The following PCBP3 variants were observed in gnomAD, a reference collection of about 807,000 sequenced individuals.
PCBP3 encodes poly(rC)-binding protein 3.
Under a neutral mutation model 52.7 loss-of-function variants are expected in PCBP3, and 25 were observed. That is an observed-to-expected ratio of 0.47 (90% CI 0.35 to 0.66). The LOEUF (loss-of-function observed/expected upper bound fraction) is 0.66, where lower values mean the gene tolerates loss of function less well. PCBP3 is among the 30% of genes least tolerant of loss of function. The probability of loss-of-function intolerance (pLI) is 0.01; values close to 1 mark genes in which losing one functional copy is unlikely to be tolerated. For missense variants in PCBP3, 391 were observed against 490.3 expected, an observed-to-expected ratio of 0.80 and a Z score of 1.91; for synonymous variants, 162 against 183.0, an observed-to-expected ratio of 0.89 and a Z score of 0.93.
intron 4 of PCBP3, among the ~76,000 whole-genome samples, chr21:45,839,303 G>A (rs892063589): frequency 6.6e-6 from 1 of 152,070 alleles, no homozygotes; most frequent in Non-Finnish European, 1.5e-5. Context: ...TTTCATTAGT[G>A]TATTAACTTT....
chr21:45,784,397 G>GCTACCT (rs1203919271), intron 4 of PCBP3, among the ~76,000 whole-genome samples: 3 of 70,332 alleles, frequency 4.3e-5, no homozygotes, highest in Non-Finnish European at 8.6e-5. Context: ...TACCTCTACC[G>GCTACCT]CTACCTCTAC....
intron 4 of PCBP3, among the ~76,000 whole-genome samples, chr21:45,795,829 G>C (rs184752104): frequency 6.6e-6 from 1 of 152,192 alleles, no homozygotes; most frequent in Non-Finnish European, 1.5e-5. Context: ...TAGCCACTTC[G>C]ATCAAGAAAG....
chr21:45,926,543 G>T (rs2075436313), intron 13 of PCBP3, among the ~76,000 whole-genome samples: 1 of 152,154 alleles, frequency 6.6e-6, no homozygotes, highest in South Asian at 2.1e-4. Context: ...CAAGTAGACT[G>T]GATCAGACAT....
chr21:45,706,290 GC>G (rs746167976), intron 2 of PCBP3, among the ~76,000 whole-genome samples: 9 of 152,170 alleles, frequency 5.9e-5, no homozygotes, highest in South Asian at 2.1e-4. Context: ...AGAGCCCTCT[GC>G]CCAGGCTCAC....
rs1306833361 is a variant in PCBP3 at position 45,817,556 on chromosome 21, C to G, written c.-125-32405C>G. ...CCATGCTTGCCTTTTGTCCTCAGCC[C>G]CCCAGCGAGGCAGCAGCTTGTGTGT... is the stretch of plus-strand genomic sequence containing the variant. On this transcript the variant is annotated intron_variant, in intron 4 of 17. Transcript: ENST00000681687. This position sits in a 1 kb window ranked among gnomAD's most constrained non-coding sequence, Gnocchi z 4.3. Among the ~76,000 whole-genome samples the G allele has an allele frequency of 1.3e-5, 2 of 152,232 alleles. No homozygotes were observed. The highest frequency in any genetic ancestry group is 4.8e-5 in the African/African-American group (2 of 41,468).
chr21:45,774,299 C>G (rs920566030), intron 4 of PCBP3, among the ~76,000 whole-genome samples: 4 of 150,826 alleles, frequency 2.7e-5, no homozygotes, highest in African/African-American at 9.8e-5. Flanking sequence ...CCCAGCTACT[C>G]GGGAGGCTGA....
Position 45,904,325 on chromosome 21 carries a change from C to G in PCBP3, c.339+3212C>G, listed in dbSNP as rs1432816906. On this transcript the variant is annotated intron_variant, in intron 9 of 17. Transcript: ENST00000681687. This position sits in a 1 kb window ranked among gnomAD's most constrained non-coding sequence, Gnocchi z 4.8. ...CTCGAGGGATTCGGACAGTTTTCAT[C>G]TTTTGGTCCTTCGGTTTTTCCAGAA... 6.6e-6 allele frequency among the ~76,000 whole-genome samples: 1 copy of G among 152,174 alleles called. No individual in the cohort carries two copies. Among genetic ancestry groups the G allele is most frequent in the Non-Finnish European group, 1.5e-5 (1 of 68,042 alleles).
At position 45,911,005 on chromosome 21, in the gene PCBP3, A is replaced by G. The variant is rs1458072555; in HGVS notation, c.575A>G (p.Lys192Arg). ...CCAGATGCCATCATCCAGTGCGTCAAGCAGATCTGTGTGGTCATGCTGGAG... is the reference window on the plus strand; with the variant it reads ...CCAGATGCCATCATCCAGTGCGTCAGGCAGATCTGTGTGGTCATGCTGGAG... ...GTPDAIIQCV[K>R]QICVVMLESP... is the part of the protein sequence containing the mutation. Residue 192 changes from lysine (K) to arginine (R), a missense_variant, in exon 11 of 18, where the codon AAG becomes AGG. Lys to Arg is a conservative substitution (Grantham distance 26, BLOSUM62 2). Transcript: ENST00000681687. 2.5e-6 allele frequency: 4 copies of G among 1,611,528 alleles called. No homozygotes were observed. The highest frequency in any genetic ancestry group is 2.2e-5 in the East Asian group (1 of 44,890).
intron 2 of PCBP3, among the ~76,000 whole-genome samples, chr21:45,729,006 A>G (rs1412603392): frequency 1.3e-5 from 2 of 152,190 alleles, no homozygotes; most frequent in East Asian, 3.8e-4. Flanking sequence ...CCCAGTTTCA[A>G]GACTTTTTCA....
intron 2 of PCBP3, among the ~76,000 whole-genome samples, chr21:45,691,433 ATATC>A (rs917170790): frequency 2.5e-5 from 3 of 120,204 alleles, no homozygotes; most frequent in Non-Finnish European, 5.0e-5. Context: ...TAAAATATAT[ATATC>A]ATATATATGT....
In PCBP3 at chr21:45,837,924, A is replaced by G. The variant is rs907119392; in HGVS notation, c.-125-12037A>G. 1.3e-5 allele frequency among the ~76,000 whole-genome samples: 2 copies of G among 152,240 alleles called. No homozygotes were observed. Among genetic ancestry groups the G allele is most frequent in the African/African-American group, 4.8e-5 (2 of 41,460 alleles). ...TGCAGTACACATTAGGGGCTGCAGAACGGTGATTTTCTAATTGTGTTGTTC... is the reference window on the plus strand; with the variant it reads ...TGCAGTACACATTAGGGGCTGCAGAGCGGTGATTTTCTAATTGTGTTGTTC... On this transcript the variant is annotated intron_variant, in intron 4 of 17. Transcript: ENST00000681687. This position sits in a 1 kb window ranked among gnomAD's most constrained non-coding sequence, Gnocchi z 4.1.
rs2085943791 is a variant in PCBP3 at position 45,737,211 on chromosome 21, T to C, written c.-162+1782T>C. ...CTCTCAGTCCACGTGGCGTCGGGGC[T>C]GAGAGGAGCCCACAGCAGGGTGGGT... is the stretch of plus-strand genomic sequence containing the variant. On this transcript the variant is annotated intron_variant, in intron 3 of 17. Transcript: ENST00000681687. This position sits in a 1 kb window ranked among gnomAD's most constrained non-coding sequence, Gnocchi z 4.9. 1.3e-5 allele frequency among the ~76,000 whole-genome samples: 2 copies of C among 151,774 alleles called. No homozygotes were observed. Among genetic ancestry groups the C allele is most frequent in the South Asian group, 4.2e-4 (2 of 4,814 alleles).
chr21:45,817,179 G>A lies in PCBP3; in HGVS notation c.-125-32782G>A, dbSNP rs189760661. ...TTACCGAAACTTCATGTCATGGCTC[G>A]GTCGAACTTTGTCAAGGAAAGTCTT... On this transcript the variant is annotated intron_variant, in intron 4 of 17. Transcript: ENST00000681687. This position sits in a 1 kb window ranked among gnomAD's most constrained non-coding sequence, Gnocchi z 4.3. 6.6e-6 allele frequency among the ~76,000 whole-genome samples: 1 copy of A among 152,076 alleles called. No individual in the cohort carries two copies. The highest frequency in any genetic ancestry group is 1.5e-5 in the Non-Finnish European group (1 of 68,012).
intron 10 of PCBP3, among the ~76,000 whole-genome samples, chr21:45,910,263 AT>A (rs1262758943): frequency 1.5e-5 from 2 of 130,262 alleles, no homozygotes; most frequent in African/African-American, 5.9e-5. Context: ...TCACCTATGG[AT>A]CCTGCCCACC....
At chr21:45,769,274 T>C (rs1475165920) in intron 4 of PCBP3, among the ~76,000 whole-genome samples, 1 of 152,204 alleles carries the variant, frequency 6.6e-6, no homozygotes, top group Non-Finnish European at 1.5e-5. Flanking sequence ...TTGAATTGAG[T>C]GTACACAGGT....
intron 9 of PCBP3, among the ~76,000 whole-genome samples, chr21:45,902,516 T>G (rs1024004799): frequency 2.0e-5 from 3 of 152,248 alleles, no homozygotes; most frequent in African/African-American, 7.2e-5. Context: ...TCTGGATCTT[T>G]CTGTTGCTGA....
chr21:45,937,227 G>A (rs1469327553), intron 16 of PCBP3, among the ~76,000 whole-genome samples: 1 of 152,232 alleles, frequency 6.6e-6, no homozygotes, highest in Non-Finnish European at 1.5e-5. Flanking sequence ...TTGGAGGCAG[G>A]GACTCCTGAG....
At chr21:45,683,087 A>T (rs2081949746) in intron 2 of PCBP3, among the ~76,000 whole-genome samples, 1 of 152,218 alleles carries the variant, frequency 6.6e-6, no homozygotes, top group African/African-American at 2.4e-5. Flanking sequence ...AAGAGGATAG[A>T]GGTATATCCT....
intron 9 of PCBP3, chr21:45,901,717 G>GAAAC (rs1569474628): frequency 7.8e-6 from 1 of 127,502 alleles, no homozygotes. Context: ...AAGACAGAGA[G>GAAAC]AGAGAGATGA....
Sources: gnomAD v4.1 joint callset for allele counts (sites outside exome capture counted in the v4.1 genomes callset) on GRCh38, gnomAD v4.1.1 for gene constraint, Gnocchi (gnomAD v3.1) non-coding constraint, MANE v1.5 for transcripts, NCBI Gene and HGNC (gene_info 2026-07-23, HGNC 2026-07-21) for gene names.